Variants in SCN10A observed in about 807,000 individuals in gnomAD.
SCN10A encodes sodium voltage-gated channel alpha subunit 10.
Under a neutral mutation model 170.7 loss-of-function variants are expected in SCN10A, and 162 were observed. The observed-to-expected ratio is 0.95, with a 90% CI of 0.84 to 1.08. The LOEUF (loss-of-function observed/expected upper bound fraction) is 1.08. Ranked by LOEUF, SCN10A falls within the 50% of genes least tolerant of loss-of-function variation. The pLI is 0.00. For synonymous variants in SCN10A, 985 were observed against 904.6 expected, an observed-to-expected ratio of 1.09 and a Z score of -1.59; for missense variants, 2,527 against 2,436.9, an observed-to-expected ratio of 1.04 and a Z score of -0.78.
Position 38,709,493 on chromosome 3 carries a change from A to C in SCN10A, c.4266T>G (p.Asn1422Lys). 6.2e-7 allele frequency: 1 copy of C among 1,608,084 alleles called. No homozygotes were observed. Among genetic ancestry groups the C allele is most frequent in the East Asian group, 2.2e-5 (1 of 44,822 alleles). The stretch of plus-strand genomic sequence containing the variant: ...CACCACTTATCTTTTTTTTCTGTTG[A>C]TTGAAGTTGTCAATTATGACCCCAA... ...LFVGVIIDNF[N>K]QQKKKLGGQD... Residue 1422 changes from asparagine to lysine, a missense_variant, in exon 25 of 28, where the codon AAT becomes AAG. Physicochemically the swap from Asn to Lys is moderately conservative, Grantham distance 94. Transcript: ENST00000449082.
chr3:38,723,395 C>T (rs1489968534), intron 19 of SCN10A, 35 bp downstream of exon 19: 1 of 1,613,298 alleles, frequency 6.2e-7, no homozygotes, highest in Non-Finnish European at 8.5e-7. Context: ...CCCTAATTAA[C>T]ATCAGTGTGA....
chr3:38,748,813 C>T (rs1232510439), intron 13 of SCN10A, among the ~76,000 whole-genome samples: 3 of 152,154 alleles, frequency 2.0e-5, no homozygotes, highest in East Asian at 1.9e-4. Context: ...TTCTTAAAAA[C>T]GTCTTTGTTT....
intron 22 of SCN10A, 47 bp from the exon 23 acceptor site, chr3:38,712,492 C>T: frequency 1.9e-6 from 3 of 1,581,514 alleles, no homozygotes; most frequent in Non-Finnish European, 2.6e-6. Flanking sequence ...TGCCCCACCC[C>T]CTCTGCTGGA....
At position 38,756,836 on chromosome 3, in the gene SCN10A, A is replaced by C; in HGVS notation, c.1128T>G (p.Phe376Leu). ...LRTSGKIYMI[F>L]FVLVIFLGSF... ...ATCCCAGGAAGATTACGAGCACAAA[A>C]AAGATCATATAGATTTTCCCAGAAG... The change falls in exon 10 of 28, where the codon TTT (phenylalanine) becomes TTG (leucine). Residue 376 changes from phenylalanine to leucine, a missense_variant. Phe to Leu is a conservative substitution (Grantham distance 22). Coordinates refer to ENST00000449082, the MANE Select transcript of SCN10A (RefSeq NM_006514.4). The C allele has an allele frequency of 1.2e-6, 2 of 1,614,200 alleles. No individual in the cohort carries two copies. The highest frequency in any genetic ancestry group is 1.7e-6 in the Non-Finnish European group (2 of 1,180,032).
chr3:38,752,374 G>C lies in SCN10A; in HGVS notation c.1600C>G (p.Arg534Gly). ...GVFPGDHESH[R>G]GSLLLGGGAG... ...CCCCCACCCAGCAGCAGAGAGCCCC[G>C]ATGGCTTTCGTGGTCTCCAGGAAAG... The change falls in exon 12 of 28, where the codon CGG becomes GGG. Residue 534 changes from arginine (R) to glycine (G), a missense_variant. Arg to Gly is a moderately radical substitution (Grantham distance 125, BLOSUM62 -2). Coordinates refer to ENST00000449082, the MANE Select transcript of SCN10A (RefSeq NM_006514.4). The C allele has an allele frequency of 6.2e-7, 1 of 1,613,974 alleles. No individual in the cohort carries two copies. Among genetic ancestry groups the C allele is most frequent in the South Asian group, 1.1e-5 (1 of 90,996 alleles).
At chr3:38,805,078 G>C (rs1575188158) in intron 1 of SCN10A, among the ~76,000 whole-genome samples, 1 of 152,034 alleles carries the variant, frequency 6.6e-6, no homozygotes, top group African/African-American at 2.4e-5. Context: ...ATATTGTTGT[G>C]ACTGCAAACA....
At chr3:38,762,642 G>T (rs116378521) in intron 6 of SCN10A, among the ~76,000 whole-genome samples, 124 of 152,216 alleles carry the variant, frequency 8.1e-4, no homozygotes, top group African/African-American at 2.9e-3. Flanking sequence ...TAAGACTCAG[G>T]GTCTTCCCAG....
At chr3:38,803,351 A>G (rs1321878495) in intron 1 of SCN10A, among the ~76,000 whole-genome samples, 1 of 152,198 alleles carries the variant, frequency 6.6e-6, no homozygotes, top group Non-Finnish European at 1.5e-5. Flanking sequence ...ACATGCACAC[A>G]TATGTTTATT....
intron 12 of SCN10A, among the ~76,000 whole-genome samples, chr3:38,751,475 C>G (rs1576000483): frequency 6.6e-6 from 1 of 152,224 alleles, no homozygotes; most frequent in South Asian, 2.1e-4. Flanking sequence ...TAAGGCAACT[C>G]TAAGACTTAT....
At chr3:38,770,885 C>T (rs1331415278) in intron 5 of SCN10A, among the ~76,000 whole-genome samples, 1 of 152,180 alleles carries the variant, frequency 6.6e-6, no homozygotes. Flanking sequence ...GCCTACAAGG[C>T]ACTTCCCTTT....
At chr3:38,725,043 T>C in intron 18 of SCN10A, 131 bp downstream of exon 18, 1 of 789,304 alleles carries the variant, frequency 1.3e-6, no homozygotes, top group South Asian at 3.7e-5. Flanking sequence ...ATTCCCAGGA[T>C]AAGAAATGAG....
chr3:38,757,673 T>C (rs561627139), intron 8 of SCN10A, among the ~76,000 whole-genome samples: 163 of 152,358 alleles, frequency 1.1e-3, no homozygotes, highest in African/African-American at 3.7e-3. Flanking sequence ...GTTCTTTCTT[T>C]ACAGATAAGG....
At chr3:38,740,605 G>GTCCACCCTGGA (rs1320523336) in intron 14 of SCN10A, among the ~76,000 whole-genome samples, 1 of 152,092 alleles carries the variant, frequency 6.6e-6, no homozygotes, top group Non-Finnish European at 1.5e-5. Flanking sequence ...AGAGACCTGG[G>GTCCACCCTGGA]TCCACCCTGG....
intron 26 of SCN10A, among the ~76,000 whole-genome samples, 166 bp from the exon 27 acceptor site, chr3:38,702,275 T>C (rs2063164595): frequency 6.6e-6 from 1 of 152,262 alleles, no homozygotes; most frequent in Non-Finnish European, 1.5e-5. Flanking sequence ...CTCTACCTCA[T>C]TGCCCCAGTT....
intron 5 of SCN10A, among the ~76,000 whole-genome samples, chr3:38,770,448 G>T (rs566839490): frequency 1.3e-5 from 2 of 152,158 alleles, no homozygotes; most frequent in East Asian, 1.9e-4. Flanking sequence ...GTGGATGGGG[G>T]TTGGTTCTCA....
At chr3:38,815,394 A>C (rs1465047847) in intron 1 of SCN10A, among the ~76,000 whole-genome samples, 1 of 152,208 alleles carries the variant, frequency 6.6e-6, no homozygotes, top group African/African-American at 2.4e-5. Flanking sequence ...CCCCCTTGAC[A>C]TTCAGAGTCA....
intron 5 of SCN10A, among the ~76,000 whole-genome samples, chr3:38,769,004 C>T (rs1488783600): frequency 3.9e-5 from 6 of 152,002 alleles, no homozygotes; most frequent in East Asian, 3.9e-4. Flanking sequence ...GCTTTGTCTT[C>T]GAGCTCTGAA....
At chr3:38,802,768 G>A (rs1050993777) in intron 1 of SCN10A, among the ~76,000 whole-genome samples, 2 of 152,074 alleles carry the variant, frequency 1.3e-5, no homozygotes, top group Non-Finnish European at 2.9e-5. Context: ...AACACCAAAA[G>A]CAATGGCAAC....
In SCN10A at chr3:38,793,753, G is replaced by A. The variant is rs201680315; in HGVS notation, c.258C>T (p.Tyr86=). The A allele has an allele frequency of 4.8e-5, 77 of 1,613,816 alleles. No individual in the cohort carries two copies. Among genetic ancestry groups the A allele is most frequent in the Non-Finnish European group, 6.4e-5 (75 of 1,179,836 alleles). ...TAGTAGCTCTTACCCGGTGTGTGCT[G>A]TAGAACGGATCTAGATCCTCCAGGG... The part of the protein sequence containing the change: ...GEPLEDLDPF[Y]STHRTFMVLN... The change falls in exon 2 of 28, where the codon TAC becomes TAT. Residue 86 remains tyrosine, a synonymous_variant. Coordinates refer to ENST00000449082, the MANE Select transcript of SCN10A (RefSeq NM_006514.4).
Sources: gnomAD v4.1 joint callset for allele counts (sites outside exome capture counted in the v4.1 genomes callset) on GRCh38, gnomAD v4.1.1 for gene constraint, MANE v1.5 for transcripts, NCBI Gene and HGNC (gene_info 2026-07-23, HGNC 2026-07-21) for gene names.